Variants in NLRP4 observed in about 807,000 individuals in gnomAD.
NLRP4 encodes NLR family pyrin domain containing 4.
Under a neutral mutation model 84.7 loss-of-function variants are expected in NLRP4, and 44 were observed. The ratio of observed to expected loss-of-function variants is 0.52; its 90% CI spans 0.41 to 0.67. NLRP4 has a LOEUF of 0.67. Among genes scored for constraint, NLRP4 ranks in the 30% least tolerant of loss-of-function variants. NLRP4 has a pLI of 0.00. For missense variants in NLRP4, 1,260 were observed against 1,219.4 expected (o/e 1.03, Z -0.50); for synonymous variants, 544 against 476.4 (o/e 1.14, Z -1.85).
Position 55,867,697 on chromosome 19 carries a change from C to G in NLRP4, c.2187-12C>G, listed in dbSNP as rs867504627. On this transcript the variant is annotated splice_polypyrimidine_tract_variant and intron_variant, in intron 5 of 9. Transcript: ENST00000301295. ...GAAACCAACAGAATGTGACATTTTC[C>G]CTTTCCTGCAGGCTGGTAAATTGTC... 1 of 1,609,984 alleles carries G rather than the reference C, an allele frequency of 6.2e-7. No homozygotes were observed. The highest frequency in any genetic ancestry group is 8.5e-7 in the Non-Finnish European group (1 of 1,177,640).
At chr19:55,870,582 G>A (rs567134696) in intron 6 of NLRP4, among the ~76,000 whole-genome samples, 1 of 152,326 alleles carries the variant, frequency 6.6e-6, no homozygotes, top group Non-Finnish European at 1.5e-5. Flanking sequence ...AGAATCACTT[G>A]AACCTGGGAG....
intron 5 of NLRP4, among the ~76,000 whole-genome samples, chr19:55,865,269 A>G (rs1211323099): frequency 6.6e-6 from 1 of 152,192 alleles, no homozygotes; most frequent in Non-Finnish European, 1.5e-5. Flanking sequence ...TTAGTTTGCT[A>G]AGGATAATGG....
chr19:55,866,987 C>A (rs1984978867), intron 5 of NLRP4, among the ~76,000 whole-genome samples: 1 of 151,100 alleles, frequency 6.6e-6, no homozygotes, highest in East Asian at 2.0e-4. Context: ...ATATAACTGA[C>A]ACTGTGCGTC....
chr19:55,869,960 C>T (rs1040890749), intron 6 of NLRP4, among the ~76,000 whole-genome samples: 4 of 151,932 alleles, frequency 2.6e-5, no homozygotes, highest in East Asian at 1.9e-4. Context: ...TGTGGTGGCA[C>T]GCACCTGTAG....
intron 1 of NLRP4, among the ~76,000 whole-genome samples, chr19:55,843,566 C>T (rs1449480633): frequency 1.3e-5 from 2 of 151,964 alleles, no homozygotes; most frequent in Admixed American, 1.3e-4. Flanking sequence ...GTGATGGGCA[C>T]CTGTGATCCC....
chr19:55,849,936 C>CGCGGTGTAATTTCCGAGACT (rs1568658111), intron 1 of NLRP4, among the ~76,000 whole-genome samples: 14 of 82,036 alleles, frequency 1.7e-4, no homozygotes, highest in East Asian at 3.5e-4. Flanking sequence ...TTTCCGTAGC[C>CGCGGTGTAATTTCCGAGACT]GCGGTGTAAT....
rs948511941 is a variant in NLRP4, at chr19:55,847,793, C to A, written c.-65-4223C>A. On this transcript the variant is annotated intron_variant, in intron 1 of 9. Coordinates refer to ENST00000301295, the MANE Select transcript of NLRP4 (RefSeq NM_134444.5). Reference sequence around the variant, plus strand: ...GCAATGGTGCGATCTCAGCTCACTGCAACCTCTGCCTCCCGGGTTCAAGTG... The same window carrying A: ...GCAATGGTGCGATCTCAGCTCACTGAAACCTCTGCCTCCCGGGTTCAAGTG... Among the ~76,000 whole-genome samples, 40 of 150,258 alleles carry A rather than the reference C, an allele frequency of 2.7e-4. 1 individual carries two copies. The East Asian group carries it at 7.9e-3, about 30-fold the overall frequency.
At chr19:55,850,632 A>T (rs34127738) in intron 1 of NLRP4, among the ~76,000 whole-genome samples, 150 of 61,070 alleles carry the variant, frequency 2.5e-3, no homozygotes, top group African/African-American at 8.5e-3. Flanking sequence ...GTAATGTCCG[A>T]GGCTGCGGTG....
In NLRP4 at chr19:55,860,640, CTG is replaced by C. The variant is rs1984713718; in HGVS notation, c.1857-745_1857-744del. 2.0e-5 allele frequency among the ~76,000 whole-genome samples: 3 copies of C among 152,098 alleles called. No individual in the cohort carries two copies. The South Asian group carries it at 6.2e-4, about 32-fold the overall frequency. ...TATTATCCTGTTACAGGTGAGGAAA[CTG>C]GGGCAAAGAAGTCAAGTGAGCTGGA... On this transcript the variant is annotated intron_variant, in intron 3 of 9. Coordinates refer to ENST00000301295, the MANE Select transcript of NLRP4 (RefSeq NM_134444.5).
At chr19:55,852,475 GGTT>G in intron 2 of NLRP4, 115 bp downstream of exon 2, 1 of 561,434 alleles carries the variant, frequency 1.8e-6, no homozygotes, top group African/African-American at 2.6e-5. Context: ...GAAAATATTA[GGTT>G]TTTTTTTTTT....
At chr19:55,846,420 A>G (rs1255276153) in intron 1 of NLRP4, among the ~76,000 whole-genome samples, 1 of 152,070 alleles carries the variant, frequency 6.6e-6, no homozygotes, top group African/African-American at 2.4e-5. Flanking sequence ...CACTGTCTCC[A>G]CATCAAGAAA....
rs201957755 is a variant in NLRP4 at position 55,858,307 on chromosome 19, G to A, written c.914G>A (p.Ser305Asn). ...EIYQPRGFNE[S>N]DRLVYFCCFF... is the part of the protein sequence containing the mutation. ...TACCAGCCCCGGGGATTCAACGAGA[G>A]TGATAGGTTAGTGTATTTCTGCTGT... is the stretch of plus-strand genomic sequence containing the variant. The change falls in exon 3 of 10, where the codon AGT (serine) becomes AAT (asparagine). Residue 305 changes from serine to asparagine, a missense_variant. Ser to Asn is a conservative substitution (Grantham distance 46). Transcript: ENST00000301295. The surrounding 1 kb of genome is among the most constrained non-coding windows in gnomAD (Gnocchi z 4.2). 12 of 1,614,202 alleles carry A rather than the reference G, an allele frequency of 7.4e-6. No homozygotes were observed. The highest frequency in any genetic ancestry group is 9.3e-6 in the Non-Finnish European group (11 of 1,180,034).
intron 5 of NLRP4, among the ~76,000 whole-genome samples, 200 bp from the exon 6 acceptor site, chr19:55,867,509 A>G (rs527683227): frequency 1.3e-5 from 2 of 151,868 alleles, no homozygotes; most frequent in African/African-American, 2.4e-5. Flanking sequence ...CCAAGCATGC[A>G]TATAACTGAG....
At chr19:55,871,562 A>G (rs1024389761) in intron 7 of NLRP4, among the ~76,000 whole-genome samples, 2 of 152,212 alleles carry the variant, frequency 1.3e-5, no homozygotes, top group African/African-American at 4.8e-5. Context: ...TAGAATTACC[A>G]GTTAGGATAA....
intron 2 of NLRP4, among the ~76,000 whole-genome samples, chr19:55,853,778 T>C (rs1157756355): frequency 6.7e-6 from 1 of 149,940 alleles, no homozygotes; most frequent in African/African-American, 2.5e-5. Flanking sequence ...TCTCTCTCTC[T>C]TTCTGTCTCT....
chr19:55,843,634 G>T (rs1355588227), intron 1 of NLRP4, among the ~76,000 whole-genome samples: 1 of 152,146 alleles, frequency 6.6e-6, no homozygotes, highest in East Asian at 1.9e-4. Flanking sequence ...GGAGTTTGCA[G>T]TGAGCTAAGA....
At chr19:55,881,230 T>C (rs1985577556) in intron 9 of NLRP4, among the ~76,000 whole-genome samples, 1 of 151,168 alleles carries the variant, frequency 6.6e-6, no homozygotes, top group Admixed American at 6.6e-5. Flanking sequence ...CATGATTGCC[T>C]TGGAGAATTT....
At chr19:55,873,811 T>G (rs1985274961) in intron 7 of NLRP4, among the ~76,000 whole-genome samples, 2 of 152,198 alleles carry the variant, frequency 1.3e-5, no homozygotes, top group Admixed American at 1.3e-4. Context: ...AAGGTGAACA[T>G]AATTACTTCC....
At chr19:55,880,042 TC>T (rs1175946901) in intron 9 of NLRP4, among the ~76,000 whole-genome samples, 1 of 152,162 alleles carries the variant, frequency 6.6e-6, no homozygotes, top group Non-Finnish European at 1.5e-5. Context: ...TCATTCATTT[TC>T]CCCTACTGTT....
Sources: allele counts gnomAD v4.1 joint callset (sites outside exome capture counted in the v4.1 genomes callset), GRCh38; gene constraint gnomAD v4.1.1; non-coding constraint Gnocchi (gnomAD v3.1); transcripts MANE v1.5; gene names NCBI Gene and HGNC (gene_info 2026-07-23, HGNC 2026-07-21).